Variants in GPM6A observed in about 807,000 individuals in gnomAD.
GPM6A encodes neuronal membrane glycoprotein M6-a.
In GPM6A, 7 loss-of-function variants were observed where a neutral mutation model predicts 32.1. That is an observed-to-expected ratio of 0.22 (90% CI 0.12 to 0.41). GPM6A has a LOEUF of 0.41. Ranked by LOEUF, GPM6A falls within the 10% of genes least tolerant of loss-of-function variation. The probability of loss-of-function intolerance (pLI) is 1.00; values close to 1 mark genes in which losing one functional copy is unlikely to be tolerated. For missense variants in GPM6A, 235 were observed against 347.2 expected (o/e 0.68, Z 2.57); for synonymous variants, 130 against 123.4 (o/e 1.05, Z -0.35).
At chr4:175,680,548 A>G (rs996667922) in intron 2 of GPM6A, among the ~76,000 whole-genome samples, 1 of 152,168 alleles carries the variant, frequency 6.6e-6, no homozygotes. Flanking sequence ...CATTGTGGCC[A>G]TGTTAATGCA....
intron 1 of GPM6A, among the ~76,000 whole-genome samples, chr4:175,915,447 C>G (rs749318341): frequency 6.6e-6 from 1 of 151,944 alleles, no homozygotes; most frequent in Non-Finnish European, 1.5e-5. Flanking sequence ...CCAGCACATG[C>G]GGCTAATTTT....
chr4:175,782,899 C>T (rs1245050453), intron 1 of GPM6A, among the ~76,000 whole-genome samples: 3 of 151,750 alleles, frequency 2.0e-5, no homozygotes, highest in African/African-American at 7.3e-5. Context: ...ATTTTGTTGT[C>T]AATACACTGA....
At chr4:175,826,784 GGCA>G (rs1206722859) in intron 1 of GPM6A, among the ~76,000 whole-genome samples, 2 of 151,846 alleles carry the variant, frequency 1.3e-5, no homozygotes, top group African/African-American at 4.8e-5. Flanking sequence ...TACCAAGTCA[GGCA>G]GCAAAAGAAA....
chr4:175,722,162 T>C (rs1184763560), intron 1 of GPM6A, among the ~76,000 whole-genome samples: 1 of 151,898 alleles, frequency 6.6e-6, no homozygotes, highest in Admixed American at 6.6e-5. Context: ...GGGTGTGCAC[T>C]TGTAGTCCCA....
At chr4:175,902,198 G>T (rs761260211) in intron 1 of GPM6A, among the ~76,000 whole-genome samples, 2 of 151,856 alleles carry the variant, frequency 1.3e-5, no homozygotes, top group Non-Finnish European at 2.9e-5. Context: ...GAACAACCTG[G>T]ATGCCTTTCA....
chr4:175,737,307 A>G (rs1300371843), intron 1 of GPM6A, among the ~76,000 whole-genome samples: 1 of 151,898 alleles, frequency 6.6e-6, no homozygotes, highest in Admixed American at 6.6e-5. Flanking sequence ...TACGCCTGTA[A>G]TCCTGCACGC....
intron 1 of GPM6A, among the ~76,000 whole-genome samples, chr4:175,885,484 A>T (rs1326943377): frequency 6.6e-6 from 1 of 152,160 alleles, no homozygotes; most frequent in Non-Finnish European, 1.5e-5. Flanking sequence ...TTTAAAAATT[A>T]TCCAGGTGTG....
At chr4:175,941,694 G>A (rs80352403) in intron 1 of GPM6A, among the ~76,000 whole-genome samples, 9,055 of 152,106 alleles carry the variant, frequency 0.06, 848 homozygotes, top group African/African-American at 0.2. Flanking sequence ...TTTCATCCAT[G>A]TCCCTGCAAA....
chr4:175,838,118 C>T (rs868450727), intron 1 of GPM6A, among the ~76,000 whole-genome samples: 3 of 147,130 alleles, frequency 2.0e-5, no homozygotes, highest in African/African-American at 7.4e-5. Flanking sequence ...CACAGACACA[C>T]ACACACACAC....
chr4:175,953,642 C>T (rs190265915), intron 1 of GPM6A, among the ~76,000 whole-genome samples: 73 of 152,270 alleles, frequency 4.8e-4, no homozygotes, highest in African/African-American at 1.7e-3. Flanking sequence ...TGGCTCACAC[C>T]TGCAATTCCA....
At chr4:175,832,631 C>T (rs544382174) in intron 1 of GPM6A, among the ~76,000 whole-genome samples, 6 of 152,248 alleles carry the variant, frequency 3.9e-5, no homozygotes, top group African/African-American at 1.4e-4. Flanking sequence ...TTTTATTGTC[C>T]TAGAAAATTT....
intron 1 of GPM6A, among the ~76,000 whole-genome samples, chr4:175,784,939 T>C (rs1321340894): frequency 6.6e-6 from 1 of 152,220 alleles, no homozygotes; most frequent in East Asian, 1.9e-4. Context: ...TAATAGTACC[T>C]ACATTTGGTA....
chr4:175,753,681 C>T (rs868210082), intron 1 of GPM6A, among the ~76,000 whole-genome samples: 1 of 152,278 alleles, frequency 6.6e-6, no homozygotes. Flanking sequence ...TTTAAACTAA[C>T]AGCCTCCTTA....
intron 1 of GPM6A, among the ~76,000 whole-genome samples, chr4:175,810,552 T>C (rs1734878131): frequency 6.6e-6 from 1 of 152,130 alleles, no homozygotes; most frequent in Non-Finnish European, 1.5e-5. Context: ...CACAACTAAT[T>C]ACATCATTTT....
intron 1 of GPM6A, among the ~76,000 whole-genome samples, chr4:175,899,122 T>G (rs892333775): frequency 2.6e-5 from 4 of 152,202 alleles, no homozygotes; most frequent in Non-Finnish European, 5.9e-5. Context: ...GACGAATTAT[T>G]TGCTTCTTCC....
At chr4:175,970,066 T>C (rs1433906979) in intron 1 of GPM6A, among the ~76,000 whole-genome samples, 1 of 152,246 alleles carries the variant, frequency 6.6e-6, no homozygotes, top group Non-Finnish European at 1.5e-5. Context: ...TATTCCACTG[T>C]GTCCTTCCTT....
intron 1 of GPM6A, among the ~76,000 whole-genome samples, chr4:175,986,048 C>A (rs1740964532): frequency 7.0e-6 from 1 of 141,892 alleles, no homozygotes; most frequent in Admixed American, 6.8e-5. Flanking sequence ...TTGCGATCTG[C>A]CCCCCTCAGC....
chr4:175,909,044 G>GGGA (rs1554000478), intron 1 of GPM6A, among the ~76,000 whole-genome samples: 4,333 of 106,042 alleles, frequency 0.041, 465 homozygotes, highest in African/African-American at 0.14. Flanking sequence ...AAAAAGGGCG[G>GGGA]GGGGGGGGCA....
intron 1 of GPM6A, among the ~76,000 whole-genome samples, chr4:175,756,399 G>A (rs1211633297): frequency 6.6e-6 from 1 of 152,114 alleles, no homozygotes; most frequent in East Asian, 1.9e-4. Flanking sequence ...GCAATGGCGA[G>A]GCAGAATATA....
Sources: allele counts gnomAD v4.1 joint callset (sites outside exome capture counted in the v4.1 genomes callset), GRCh38; gene constraint gnomAD v4.1.1; transcripts MANE v1.5; gene names NCBI Gene and HGNC (gene_info 2026-07-23, HGNC 2026-07-21).